Variants in GLE1 observed in about 807,000 individuals in gnomAD.
GLE1 encodes the protein mRNA export factor GLE1.
In GLE1, 78 loss-of-function variants were observed where a neutral mutation model predicts 97.3. The ratio of observed to expected loss-of-function variants is 0.80; its 90% CI spans 0.67 to 0.97. The LOEUF (loss-of-function observed/expected upper bound fraction) is 0.97, where lower values mean the gene tolerates loss of function less well. Among genes scored for constraint, GLE1 ranks in the 50% least tolerant of loss-of-function variants. The pLI, the probability that GLE1 is intolerant of heterozygous loss-of-function variation, is 0.00. For missense variants in GLE1, 753 were observed against 857.5 expected (o/e 0.88, Z 1.52); for synonymous variants, 302 against 313.4 (o/e 0.96, Z 0.39).
At chr9:128,529,805 C>G (rs1847430318) in intron 9 of GLE1, among the ~76,000 whole-genome samples, 1 of 150,082 alleles carries the variant, frequency 6.7e-6, no homozygotes. Flanking sequence ...TTTTGAGAGT[C>G]TCGCTCTTTC....
intron 9 of GLE1, 42 bp from the exon 10 acceptor site, chr9:128,533,471 G>A (rs1240031304): frequency 3.9e-6 from 3 of 767,476 alleles, no homozygotes; most frequent in Non-Finnish European, 6.8e-6. Context: ...AAAAGAGATT[G>A]ATCTGTGGTT....
At chr9:128,533,312 T>C (rs987582368) in intron 9 of GLE1, among the ~76,000 whole-genome samples, 18 of 149,680 alleles carry the variant, frequency 1.2e-4, no homozygotes, top group Non-Finnish European at 2.2e-4. Context: ...GCGTCTGTGA[T>C]CCCAGCTACT....
chr9:128,515,279 CA>C (rs1025800659), intron 2 of GLE1, among the ~76,000 whole-genome samples: 2 of 151,336 alleles, frequency 1.3e-5, no homozygotes, highest in East Asian at 3.9e-4. Context: ...ACAAACAAGT[CA>C]AAAAAAACAT....
chr9:128,504,890 C>G lies in GLE1; in HGVS notation c.85C>G (p.Leu29Val). The part of the protein sequence containing the change: ...KGRLCYYRDW[L>V]LRREDVLEEC... Reference sequence around the variant, plus strand: ...TCGCCTTTGCTACTACCGCGACTGGCTGCTGCGGCGCGAGGTGAGCGGTGG... The same window carrying G: ...TCGCCTTTGCTACTACCGCGACTGGGTGCTGCGGCGCGAGGTGAGCGGTGG... Residue 29 changes from leucine to valine, a missense_variant, in exon 1 of 16, where the codon CTG becomes GTG. Physicochemically the swap from Leu to Val is conservative, Grantham distance 32. Transcript: ENST00000309971. 6.2e-7 allele frequency: 1 copy of G among 1,609,494 alleles called. No homozygotes were observed. The highest frequency in any genetic ancestry group is 1.3e-5 in the African/African-American group (1 of 74,986).
At position 128,536,420 on chromosome 9, in the gene GLE1, C is replaced by T; in HGVS notation, c.1712C>T (p.Ser571Leu). ...EQQDNFLKRMSGMIRLYAAII... is the reference protein window; with the variant it reads ...EQQDNFLKRMLGMIRLYAAII... ...CAAGACAACTTTCTAAAACGCATGT[C>T]AGGGATGATCCGTCTCTACGCTGCT... The change falls in exon 12 of 16, where the codon TCA becomes TTA. Residue 571 changes from serine to leucine, a missense_variant. Ser to Leu is a moderately radical substitution (Grantham distance 145). Coordinates refer to ENST00000309971, the MANE Select transcript of GLE1 (RefSeq NM_001003722.2). 1 of 1,614,004 alleles carries T rather than the reference C, an allele frequency of 6.2e-7. No individual in the cohort carries two copies. The highest frequency in any genetic ancestry group is 8.5e-7 in the Non-Finnish European group (1 of 1,179,922).
At chr9:128,508,713 C>G (rs1305331249) in intron 1 of GLE1, among the ~76,000 whole-genome samples, 163 bp from the exon 2 acceptor site, 1 of 152,170 alleles carries the variant, frequency 6.6e-6, no homozygotes, top group Non-Finnish European at 1.5e-5. Context: ...AGGTCATTAT[C>G]AAGAAACCAC....
intron 15 of GLE1, chr9:128,540,808 C>T (rs1727545531): frequency 2.2e-6 from 1 of 452,748 alleles, no homozygotes; most frequent in Non-Finnish European, 4.0e-6. Context: ...AGCCTGCTGA[C>T]TTTTCAGCTT....
At chr9:128,522,597 G>T (rs1847181319) in intron 3 of GLE1, 71 bp from the exon 4 acceptor site, 1 of 1,485,210 alleles carries the variant, frequency 6.7e-7, no homozygotes, top group Admixed American at 2.2e-5. Context: ...GTTGCAGTGA[G>T]CTGCACTCCA....
At chr9:128,506,745 ACTGT>A (rs552091144) in intron 1 of GLE1, among the ~76,000 whole-genome samples, 308 of 152,326 alleles carry the variant, frequency 2.0e-3, no homozygotes, top group Middle Eastern at 3.4e-3. Flanking sequence ...ACATTTATGT[ACTGT>A]CTATTTGTGT....
intron 7 of GLE1, among the ~76,000 whole-genome samples, chr9:128,526,867 A>G (rs1847315249): frequency 6.6e-6 from 1 of 151,952 alleles, no homozygotes; most frequent in Non-Finnish European, 1.5e-5. Flanking sequence ...ATGGGATTTC[A>G]CCATGTTGTG....
intron 1 of GLE1, among the ~76,000 whole-genome samples, chr9:128,506,130 G>T (rs969431323): frequency 2.6e-5 from 4 of 152,208 alleles, no homozygotes; most frequent in Non-Finnish European, 5.9e-5. Context: ...CGGATCACTT[G>T]AGGTCAAGAG....
chr9:128,533,445 A>AG (rs1202066635), intron 9 of GLE1, 68 bp from the exon 10 acceptor site: 2 of 1,126,856 alleles, frequency 1.8e-6, no homozygotes, highest in Non-Finnish European at 2.6e-6. Context: ...AAAAAAAAAA[A>AG]AAAAAAAGGA....
intron 2 of GLE1, among the ~76,000 whole-genome samples, chr9:128,515,284 A>C (rs1300243704): frequency 6.6e-6 from 1 of 152,206 alleles, no homozygotes; most frequent in Non-Finnish European, 1.5e-5. Context: ...CAAGTCAAAA[A>C]AAACATAGAA....
intron 7 of GLE1, among the ~76,000 whole-genome samples, chr9:128,525,702 C>A (rs934273930): frequency 1.3e-5 from 2 of 151,926 alleles, no homozygotes; most frequent in African/African-American, 4.8e-5. Flanking sequence ...TGGTGTAATA[C>A]GTATAAGGGG....
intron 9 of GLE1, among the ~76,000 whole-genome samples, chr9:128,531,831 CAAAAAAAAA>C (rs1206684667): frequency 5.8e-5 from 3 of 51,862 alleles, no homozygotes; most frequent in Admixed American, 2.3e-4. Context: ...GACTCCAGCT[CAAAAAAAAA>C]AAAAAAAAAA....
chr9:128,540,561 T>TA (rs1847856134), intron 15 of GLE1: 1 of 564,830 alleles, frequency 1.8e-6, no homozygotes, highest in Non-Finnish European at 3.2e-6. Context: ...AAAGCTATGC[T>TA]GAGATGAGTA....
intron 7 of GLE1, 50 bp downstream of exon 7, chr9:128,525,473 A>G: frequency 3.8e-6 from 4 of 1,065,916 alleles, no homozygotes; most frequent in Non-Finnish European, 5.7e-6. Context: ...TTCAAATGTG[A>G]AGAGAAACAA....
At chr9:128,522,849 G>T (rs1417480238) in intron 4 of GLE1, 33 bp downstream of exon 4, 2 of 1,611,234 alleles carry the variant, frequency 1.2e-6, no homozygotes, top group Non-Finnish European at 1.7e-6. Flanking sequence ...TGGGAATGTT[G>T]ATGTGTTCAA....
intron 1 of GLE1, among the ~76,000 whole-genome samples, chr9:128,505,947 G>A (rs1339244038): frequency 1.3e-5 from 2 of 152,192 alleles, no homozygotes; most frequent in African/African-American, 2.4e-5. Flanking sequence ...GCATTCTACT[G>A]TAAGGAGGTG....
Sources: allele counts gnomAD v4.1 joint callset (sites outside exome capture counted in the v4.1 genomes callset), GRCh38; gene constraint gnomAD v4.1.1; transcripts MANE v1.5; gene names NCBI Gene and HGNC (gene_info 2026-07-23, HGNC 2026-07-21).